The following NDST2 variants were observed in gnomAD, a reference collection of about 807,000 sequenced individuals.
The protein encoded by NDST2 is bifunctional heparan sulfate N-deacetylase/N-sulfotransferase 2.
Under a neutral mutation model 86.9 loss-of-function variants are expected in NDST2, and 32 were observed. That is an observed-to-expected ratio of 0.37 (90% CI 0.28 to 0.49). The LOEUF (loss-of-function observed/expected upper bound fraction) is 0.49, where lower values mean the gene tolerates loss of function less well. Ranked by LOEUF, NDST2 falls within the 20% of genes least tolerant of loss-of-function variation. The probability of loss-of-function intolerance (pLI) is 0.97; values close to 1 mark genes in which losing one functional copy is unlikely to be tolerated. For synonymous variants in NDST2, 409 were observed against 437.0 expected (o/e 0.94, Z 0.80); for missense variants, 950 against 1,146.9 (o/e 0.83, Z 2.48).
intron 3 of NDST2, 78 bp downstream of exon 3, chr10:73,807,306 C>A (rs1376105728): frequency 2.5e-6 from 4 of 1,583,512 alleles, no homozygotes; most frequent in Non-Finnish European, 3.5e-6. Context: ...CTATGACAAG[C>A]TCAGAATCAA....
Position 73,805,580 on chromosome 10 carries a change from C to A in NDST2, c.1746+7G>T, listed in dbSNP as rs201861146. On this transcript the variant is annotated splice_region_variant and intron_variant, in intron 8 of 14. Coordinates refer to ENST00000309979, the MANE Select transcript of NDST2 (RefSeq NM_003635.4). ...ATGTCTCTCATCAGACTGAGCTCCA[C>A]CTTTACCTGCCAAAGGGGGCTTCGC... 39 of 1,613,754 alleles carry A rather than the reference C, an allele frequency of 2.4e-5. 1 individual carries two copies. The highest frequency in any genetic ancestry group is 3.1e-5 in the Non-Finnish European group (36 of 1,179,966).
chr10:73,808,230 TC>T lies in NDST2; in HGVS notation c.158del (p.Gly53GlufsTer75), dbSNP rs1331623013. On this transcript the variant is annotated frameshift_variant, in exon 3 of 15. Transcript: ENST00000309979. LOFTEE classifies it high-confidence loss of function. This position sits in a 1 kb window ranked among gnomAD's most constrained non-coding sequence, Gnocchi z 4.3. ...KAKEPLPLPL[G>X]DCSSGGAAGP... The stretch of plus-strand genomic sequence containing the variant: ...CAGCTGCCCCACCGCTGCTGCAGTC[TC>T]CCAAGGGCAGGGGCAAGGGTTCCTT... 1 of 1,612,150 alleles carries T rather than the reference TC, an allele frequency of 6.2e-7. No individual in the cohort carries two copies. Among genetic ancestry groups the T allele is most frequent in the Admixed American group, 1.7e-5 (1 of 59,704 alleles).
At position 73,808,422 on chromosome 10, in the gene NDST2, C is replaced by T; in HGVS notation, c.-34G>A. 10 of 1,552,476 alleles carry T rather than the reference C, an allele frequency of 6.4e-6. No homozygotes were observed. Among genetic ancestry groups the T allele is most frequent in the Non-Finnish European group, 8.7e-6 (10 of 1,147,320 alleles). ...GAGGAAGGGAGGGAGGAATGGGGAC[C>T]ACCTCAGGGGATGGGAGGTAGGAGT... On this transcript the variant is annotated 5_prime_UTR_variant, in exon 3 of 15. Coordinates refer to ENST00000309979, the MANE Select transcript of NDST2 (RefSeq NM_003635.4). This position sits in a 1 kb window ranked among gnomAD's most constrained non-coding sequence, Gnocchi z 4.3.
chr10:73,804,046 C>G (rs767838509), intron 9 of NDST2, 30 bp from the exon 10 acceptor site: 1 of 1,609,640 alleles, frequency 6.2e-7, no homozygotes, highest in Non-Finnish European at 8.5e-7. Flanking sequence ...CAGCTTCAGG[C>G]AGCCATTGTG....
Position 73,806,456 on chromosome 10 carries a change from C to G in NDST2, c.1267G>C (p.Asp423His), listed in dbSNP as rs2084104678. The change falls in exon 6 of 15, where the codon GAC becomes CAC. Residue 423 changes from aspartate to histidine, a missense_variant. By Grantham distance (81) the Asp-to-His change is moderately conservative (BLOSUM62 -1). This residue lies in a region of NDST2 where 586 missense variants were observed against 714.0 expected (regional missense o/e 0.82). Transcript: ENST00000309979. The surrounding 1 kb of genome is among the most constrained non-coding windows in gnomAD (Gnocchi z 4.5). ...TGGGGGGCCACAGCATACCCCAGGT[C>G]CGTGGGAATCCCATGCTCCTGGGAA... ...QFALEHGIPT[D>H]LGYAVAPHHS... The G allele has an allele frequency of 2.5e-6, 4 of 1,594,112 alleles. No individual in the cohort carries two copies. Among genetic ancestry groups the G allele is most frequent in the Middle Eastern group, 3.4e-4 (2 of 5,964 alleles).
At chr10:73,807,309 A>C in intron 3 of NDST2, 75 bp downstream of exon 3, 3 of 1,586,944 alleles carry the variant, frequency 1.9e-6, no homozygotes, top group South Asian at 1.1e-5. Context: ...TGACAAGCTC[A>C]GAATCAAGGA....
At position 73,807,814 on chromosome 10, in the gene NDST2, T is replaced by G; in HGVS notation, c.575A>C (p.His192Pro). 6.2e-7 allele frequency: 1 copy of G among 1,613,508 alleles called. No individual in the cohort carries two copies. The highest frequency in any genetic ancestry group is 8.5e-7 in the Non-Finnish European group (1 of 1,179,886). ...GTAGTCCCGGAGCCCCAAGTTTGAG[T>G]GTAAAAAAAGGGGAAAGCCCTTGAG... ...AQLKGFPLFL[H>P]SNLGLRDYQV... Residue 192 changes from histidine to proline, a missense_variant, in exon 3 of 15, where the codon CAC becomes CCC. Physicochemically the swap from His to Pro is moderately conservative, Grantham distance 77 (BLOSUM62 -2). This residue lies in a region of NDST2 where 586 missense variants were observed against 714.0 expected (regional missense o/e 0.82). Transcript: ENST00000309979.
chr10:73,811,654 G>A (rs1022083880), upstream of NDST2: 2 of 152,126 alleles, frequency 1.3e-5, no homozygotes, highest in Admixed American at 1.3e-4. Flanking sequence ...GCCGCCGCTG[G>A]TGGCACCCGC....
Position 73,806,188 on chromosome 10 carries a change from C to A in NDST2, c.1434+101G>T. 1 of 1,541,792 alleles carries A rather than the reference C, an allele frequency of 6.5e-7. No homozygotes were observed. The highest frequency in any genetic ancestry group is 8.9e-7 in the Non-Finnish European group (1 of 1,120,676). On this transcript the variant is annotated intron_variant, in intron 6 of 14. Transcript: ENST00000309979. This position sits in a 1 kb window ranked among gnomAD's most constrained non-coding sequence, Gnocchi z 4.5. ...CCTTTCTACCCCCAATTATGTACCC[C>A]CATACTTGGACTGGCAGTTGATAGA...
chr10:73,810,081 C>A (rs1460611650), intron 2 of NDST2, among the ~76,000 whole-genome samples: 1 of 152,134 alleles, frequency 6.6e-6, no homozygotes, highest in African/African-American at 2.4e-5. Context: ...GGCTGGCAAT[C>A]CCTCTCTACC....
In NDST2 at chr10:73,806,783, G is replaced by A; in HGVS notation, c.1122C>T (p.Asp374=). ...TGTEEEDAGD[D]MLLKHRKEFW... is the part of the protein sequence containing the mutation. ...ACTCTTTGCGGTGCTTCAGCAGCAT[G>A]TCGTCCCCTGCATCCTCCTCCTCTG... Residue 374 remains aspartate (D), a synonymous_variant, in exon 5 of 15, where the codon GAC becomes GAT. Transcript: ENST00000309979. This position sits in a 1 kb window ranked among gnomAD's most constrained non-coding sequence, Gnocchi z 4.5. 6.2e-7 allele frequency: 1 copy of A among 1,614,182 alleles called. No homozygotes were observed. Among genetic ancestry groups the A allele is most frequent in the Non-Finnish European group, 8.5e-7 (1 of 1,180,026 alleles).
In NDST2 at chr10:73,802,474, G is replaced by A; in HGVS notation, c.2629C>T (p.Leu877=). ...CATCAGCCCAGACTGGAATGCTGCA[G>A]TTCTTCCCGAAGCCACGAGGGCACT... The part of the protein sequence containing the change: ...QPVPSWLREE[L]QHSSLG Residue 877 remains leucine (L), a synonymous_variant, in exon 15 of 15, where the codon CTG becomes TTG. Coordinates refer to ENST00000309979, the MANE Select transcript of NDST2 (RefSeq NM_003635.4). 2 of 1,613,382 alleles carry A rather than the reference G, an allele frequency of 1.2e-6. No homozygotes were observed. The highest frequency in any genetic ancestry group is 1.7e-6 in the Non-Finnish European group (2 of 1,180,032).
rs2084024389 is a variant in NDST2 at position 73,802,999 on chromosome 10, G to A, written c.2396C>T (p.Pro799Leu). The stretch of plus-strand genomic sequence containing the variant: ...GAGGGTCCGTGTGTAGTTCAGAAAG[G>A]GTGTGATACCCAGGAACTTCTGGAT... ...ESIQKFLGITPFLNYTRTLRF... is the reference protein window; with the variant it reads ...ESIQKFLGITLFLNYTRTLRF... The change falls in exon 13 of 15, where the codon CCC (proline) becomes CTC (leucine). Residue 799 changes from proline to leucine, a missense_variant. Physicochemically the swap from Pro to Leu is moderately conservative, Grantham distance 98. This residue lies in a region of NDST2 where 303 missense variants were observed against 323.7 expected (regional missense o/e 0.94). Coordinates refer to ENST00000309979, the MANE Select transcript of NDST2 (RefSeq NM_003635.4). The A allele has an allele frequency of 1.2e-6, 2 of 1,614,056 alleles. No individual in the cohort carries two copies. The highest frequency in any genetic ancestry group is 1.3e-5 in the African/African-American group (1 of 74,932).
At chr10:73,809,513 T>G (rs2084161808) in intron 2 of NDST2, among the ~76,000 whole-genome samples, 1 of 152,130 alleles carries the variant, frequency 6.6e-6, no homozygotes, top group South Asian at 2.1e-4. Context: ...CTTCCTAACT[T>G]AGCCTAAGTA....
In NDST2 at chr10:73,804,029, G is replaced by C; in HGVS notation, c.1844-13C>G. Reference sequence around the variant, plus strand: ...ATAGCTGTAGTCCCTAAATGGGAGAGAAAGACCAGCTTCAGGCAGCCATTG... The same window carrying C: ...ATAGCTGTAGTCCCTAAATGGGAGACAAAGACCAGCTTCAGGCAGCCATTG... On this transcript the variant is annotated splice_polypyrimidine_tract_variant and intron_variant, in intron 9 of 14. Coordinates refer to ENST00000309979, the MANE Select transcript of NDST2 (RefSeq NM_003635.4). 6.2e-7 allele frequency: 1 copy of C among 1,610,842 alleles called. No individual in the cohort carries two copies. The highest frequency in any genetic ancestry group is 8.5e-7 in the Non-Finnish European group (1 of 1,178,330).
At chr10:73,804,902 A>ATTTTT in intron 8 of NDST2, 33 bp from the exon 9 acceptor site, 21 of 983,204 alleles carry the variant, frequency 2.1e-5, no homozygotes, top group South Asian at 6.4e-5. Context: ...GATAAGGCCT[A>ATTTTT]TTTTTTTTTT....
rs367975472 is a variant in NDST2 at position 73,802,490 on chromosome 10, C to T, written c.2613G>A (p.Ser871=). Reference sequence around the variant, plus strand: ...AATGCTGCAGTTCTTCCCGAAGCCACGAGGGCACTGGCTGTCCAAGCCGGC... The same window carrying T: ...AATGCTGCAGTTCTTCCCGAAGCCATGAGGGCACTGGCTGTCCAAGCCGGC... ...LLSRLGQPVP[S]WLREELQHSS... Residue 871 remains serine, a synonymous_variant, in exon 15 of 15, where the codon TCG becomes TCA. Transcript: ENST00000309979. The T allele has an allele frequency of 2.6e-5, 42 of 1,613,686 alleles. No homozygotes were observed. The highest frequency in any genetic ancestry group is 1.5e-4 in the African/African-American group (11 of 74,918).
At chr10:73,802,645 G>C (rs762660412) in intron 14 of NDST2, 29 bp downstream of exon 14, 1 of 1,614,060 alleles carries the variant, frequency 6.2e-7, no homozygotes, top group Non-Finnish European at 8.5e-7. Flanking sequence ...GAAGTGGAGA[G>C]GGATTCCCCT....
intron 1 of NDST2, 51 bp from the exon 2 acceptor site, chr10:73,810,954 C>T (rs1423960600): frequency 7.5e-6 from 3 of 398,160 alleles, no homozygotes; most frequent in South Asian, 1.3e-4. Flanking sequence ...CGCCGCAGGC[C>T]GGGCCAGTGA....
Sources: allele counts gnomAD v4.1 joint callset (sites outside exome capture counted in the v4.1 genomes callset), GRCh38; gene constraint gnomAD v4.1.1; regional missense constraint gnomAD v4.1.1; non-coding constraint Gnocchi (gnomAD v3.1); transcripts MANE v1.5; gene names NCBI Gene and HGNC (gene_info 2026-07-23, HGNC 2026-07-21).